NCSTN: variants seen among roughly 807,000 people sequenced by gnomAD.
NCSTN encodes nicastrin, also known as anterior pharynx-defective 2.
In NCSTN, 22 loss-of-function variants were observed where a neutral mutation model predicts 87.0. That is an observed-to-expected ratio of 0.25 (90% CI 0.18 to 0.36). The LOEUF is 0.36. Among genes scored for constraint, NCSTN ranks in the 10% least tolerant of loss-of-function variants. NCSTN has a pLI of 1.00. For missense variants in NCSTN, 693 were observed against 883.3 expected, an observed-to-expected ratio of 0.78 and a Z score of 2.73; for synonymous variants, 306 against 327.1, an observed-to-expected ratio of 0.94 and a Z score of 0.69.
In NCSTN at chr1:160,356,695, G is replaced by T. The variant is rs1453420552; in HGVS notation, c.1735G>T (p.Val579Phe). The T allele has an allele frequency of 6.2e-7, 1 of 1,614,106 alleles. No individual in the cohort carries two copies. Among genetic ancestry groups the T allele is most frequent in the Non-Finnish European group, 8.5e-7 (1 of 1,180,054 alleles). The change falls in exon 15 of 17, where the codon GTC becomes TTC. Residue 579 changes from valine (V) to phenylalanine (F), a missense_variant. By Grantham distance (50) the Val-to-Phe change is conservative. Coordinates refer to ENST00000294785, the MANE Select transcript of NCSTN (RefSeq NM_015331.3). ...CTTGGCAAATTTGACTGGCACAGTG[G>T]TCAACCTCACCCGAGAGCAGTGCCA... ...YALANLTGTV[V>F]NLTREQCQDP...
chr1:160,351,178 C>T lies in NCSTN; in HGVS notation c.583-44C>T, dbSNP rs756061626. 1.4e-5 allele frequency: 22 copies of T among 1,610,670 alleles called. No individual in the cohort carries two copies. In the Admixed American group the frequency reaches 2.8e-4, roughly 21 times the overall value. Reference sequence around the variant, plus strand: ...CTCCTTCTGGGATGTAAGGGAGGGCCTCCACAAACTAGCTGTCTCAGTGGG... The same window carrying T: ...CTCCTTCTGGGATGTAAGGGAGGGCTTCCACAAACTAGCTGTCTCAGTGGG... On this transcript the variant is annotated intron_variant, in intron 5 of 16. Transcript: ENST00000294785.
In NCSTN at chr1:160,356,232, T is replaced by C. The variant is rs201195715; in HGVS notation, c.1552-28T>C. The C allele has an allele frequency of 1.2e-3, 1,816 of 1,557,240 alleles. 7 individuals are homozygous for C. The highest frequency in any genetic ancestry group is 8.8e-4 in the Non-Finnish European group (997 of 1,128,360). The stretch of plus-strand genomic sequence containing the variant: ...CCTGGGCTCCCTTCAAGTCACAGGG[T>C]TTTCTCTCTTTACTGTTCCAATCCT... On this transcript the variant is annotated intron_variant, in intron 13 of 16. Transcript: ENST00000294785.
intron 1 of NCSTN, 60 bp from the exon 2 acceptor site, chr1:160,344,662 C>T (rs1318820453): frequency 1.2e-6 from 2 of 1,600,010 alleles, no homozygotes; most frequent in Non-Finnish European, 1.7e-6. Context: ...GTTAATGACA[C>T]GATAGAAGCT....
chr1:160,355,262 T>C (rs932054826), intron 11 of NCSTN, among the ~76,000 whole-genome samples: 5 of 152,272 alleles, frequency 3.3e-5, no homozygotes, highest in Non-Finnish European at 7.4e-5. Context: ...CACCTCCTGC[T>C]CCCAGCTACC....
intron 10 of NCSTN, 30 bp downstream of exon 10, chr1:160,353,267 T>C: frequency 6.2e-7 from 1 of 1,614,018 alleles, no homozygotes; most frequent in Non-Finnish European, 8.5e-7. Flanking sequence ...TCATTTCCTA[T>C]TCCTACAGCT....
rs181440235 is a variant in NCSTN at position 160,354,328 on chromosome 1, A to T, written c.1352+38A>T. 2,247 of 1,603,032 alleles carry T rather than the reference A, an allele frequency of 1.4e-3. 29 individuals are homozygous for T. The African/African-American group carries it at 0.027, about 19-fold the overall frequency. ...TGGCCCTGCACCCTCTTCATTCTTG[A>T]AGAGAGTCTATTCTGCAGTCTGGGA... On this transcript the variant is annotated intron_variant, in intron 11 of 16. Coordinates refer to ENST00000294785, the MANE Select transcript of NCSTN (RefSeq NM_015331.3).
Position 160,352,166 on chromosome 1 carries a change from C to A in NCSTN, c.956C>A (p.Thr319Asn). Residue 319 changes from threonine to asparagine, a missense_variant, in exon 8 of 17, where the codon ACC (threonine) becomes AAC (asparagine). Around this residue, in one of 4 missense-constraint regions of NCSTN, gnomAD observed 134 missense variants for 226.0 expected, o/e 0.59. Transcript: ENST00000294785. ...GCTTTGCAAAAGGCACCTGATGTGACCACCCTGCCCCGCAATGTCATGTTT... is the reference window on the plus strand; with the variant it reads ...GCTTTGCAAAAGGCACCTGATGTGAACACCCTGCCCCGCAATGTCATGTTT... ...AEALQKAPDV[T>N]TLPRNVMFVF... 2.5e-6 allele frequency: 4 copies of A among 1,614,188 alleles called. No individual in the cohort carries two copies. The highest frequency in any genetic ancestry group is 3.4e-6 in the Non-Finnish European group (4 of 1,180,024).
intron 6 of NCSTN, 123 bp downstream of exon 6, chr1:160,351,495 G>A (rs1648836947): frequency 2.2e-6 from 3 of 1,359,208 alleles, no homozygotes; most frequent in Non-Finnish European, 3.1e-6. Context: ...AGCTCTGCAT[G>A]GGAGAACTAG....
At chr1:160,347,984 C>T (rs974536846) in intron 2 of NCSTN, among the ~76,000 whole-genome samples, 3 of 152,344 alleles carry the variant, frequency 2.0e-5, no homozygotes, top group Middle Eastern at 3.4e-3. Flanking sequence ...TGGCAAGGGC[C>T]GGGCATGGTG....
chr1:160,344,142 A>G (rs1028622105), intron 1 of NCSTN, among the ~76,000 whole-genome samples: 12 of 152,016 alleles, frequency 7.9e-5, no homozygotes, highest in African/African-American at 2.2e-4. Flanking sequence ...TAAAATGCAA[A>G]TGCCTGTATA....
In NCSTN at chr1:160,358,335, A is replaced by T; in HGVS notation, c.*64A>T. ...TTCCTAGAGCATCTGTCCCACTGGGACACAACCACTAATTTGTCACTGGAA... is the reference window on the plus strand; with the variant it reads ...TTCCTAGAGCATCTGTCCCACTGGGTCACAACCACTAATTTGTCACTGGAA... On this transcript the variant is annotated 3_prime_UTR_variant, in exon 17 of 17. Transcript: ENST00000294785. The T allele has an allele frequency of 1.2e-6, 2 of 1,609,296 alleles. No homozygotes were observed.
At chr1:160,343,576 C>A (rs2101886584) in intron 1 of NCSTN, 95 bp downstream of exon 1, 1 of 1,084,878 alleles carries the variant, frequency 9.2e-7, no homozygotes, top group Non-Finnish European at 1.4e-6. Context: ...GTTCCTGCTG[C>A]CCCTCTGTCC....
chr1:160,351,724 C>G lies in NCSTN; in HGVS notation c.762C>G (p.Tyr254Ter). 6.2e-7 allele frequency: 1 copy of G among 1,611,926 alleles called. No homozygotes were observed. The part of the protein sequence containing the change: ...PEIVCDPLSD[Y>*]NVWSMLKPIN... ...TCGTCTGTGACCCCCTGTCTGATTA[C>G]AATGTGTGGAGCATGCTAAAGCCTA... The change falls in exon 7 of 17, where the codon TAC (tyrosine) becomes TAG (stop). Residue 254 changes from tyrosine to a stop codon, truncating the protein, a stop_gained. Transcript: ENST00000294785. LOFTEE classifies it high-confidence loss of function.
Position 160,358,938 on chromosome 1 carries a change from G to A in NCSTN, c.*667G>A, listed in dbSNP as rs893488774. On this transcript the variant is annotated 3_prime_UTR_variant, in exon 17 of 17. Coordinates refer to ENST00000294785, the MANE Select transcript of NCSTN (RefSeq NM_015331.3). Reference sequence around the variant, plus strand: ...ATATATAATGAGTTTCATTAAAATAGATTATCCCACACGACTTGTACTGCT... The same window carrying A: ...ATATATAATGAGTTTCATTAAAATAAATTATCCCACACGACTTGTACTGCT... 3 of 152,474 alleles carry A rather than the reference G, an allele frequency of 2.0e-5. No individual in the cohort carries two copies. Among genetic ancestry groups the A allele is most frequent in the Admixed American group, 6.5e-5 (1 of 15,320 alleles). The allele number at this position is 152,474 out of a possible 1,614,324, so 9.4% of individuals were successfully genotyped here.
chr1:160,344,217 G>A (rs1480970722), intron 1 of NCSTN, among the ~76,000 whole-genome samples: 1 of 152,010 alleles, frequency 6.6e-6, no homozygotes, highest in Non-Finnish European at 1.5e-5. Context: ...AGAAACTACA[G>A]CTGCCCCACA....
chr1:160,349,822 T>C (rs943034734), intron 4 of NCSTN, 152 bp downstream of exon 4: 1 of 1,217,792 alleles, frequency 8.2e-7, no homozygotes, highest in Non-Finnish European at 1.2e-6. Flanking sequence ...TATTTGTCTT[T>C]GCTGCTCATC....
chr1:160,356,823 G>C lies in NCSTN; in HGVS notation c.1794+69G>C, dbSNP rs1649153947. ...CTTGGGAAAGTTGGAGGTTCTTCTA[G>C]ACCTAGTTAGACCCAGGGGATTGGG... On this transcript the variant is annotated intron_variant, in intron 15 of 16. Coordinates refer to ENST00000294785, the MANE Select transcript of NCSTN (RefSeq NM_015331.3). The C allele has an allele frequency of 3.2e-6, 5 of 1,582,788 alleles. No individual in the cohort carries two copies. In the South Asian group the frequency reaches 5.6e-5, roughly 18 times the overall value.
At chr1:160,349,708 C>G in intron 4 of NCSTN, 38 bp downstream of exon 4, 1 of 1,611,070 alleles carries the variant, frequency 6.2e-7, no homozygotes, top group Non-Finnish European at 8.5e-7. Context: ...CTACTGTCAC[C>G]TAAGGCTCAC....
chr1:160,358,455 G>A lies in NCSTN; in HGVS notation c.*184G>A, dbSNP rs200612114. The A allele has an allele frequency of 2.6e-4, 196 of 762,292 alleles. No individual in the cohort carries two copies. In the East Asian group the frequency reaches 4.0e-3, roughly 16 times the overall value. The allele number at this position is 762,292 out of a possible 1,614,324, so 47.2% of individuals were successfully genotyped here. ...ATAAATAAATTGCCTCCCTTCCTCC[G>A]CTCCCCTTTCCCATCACCCCTTCCC... On this transcript the variant is annotated 3_prime_UTR_variant, in exon 17 of 17. Coordinates refer to ENST00000294785, the MANE Select transcript of NCSTN (RefSeq NM_015331.3).
Sources: gnomAD v4.1 joint callset for allele counts (sites outside exome capture counted in the v4.1 genomes callset) on GRCh38, gnomAD v4.1.1 for gene constraint, gnomAD v4.1.1 regional missense constraint, MANE v1.5 for transcripts, NCBI Gene and HGNC (gene_info 2026-07-23, HGNC 2026-07-21) for gene names.